The following CDH17 variants were observed in gnomAD, a reference collection of about 807,000 sequenced individuals.
The protein encoded by CDH17 is cadherin 17.
In CDH17, 67 loss-of-function variants were observed where a neutral mutation model predicts 86.3. The ratio of observed to expected loss-of-function variants is 0.78; its 90% CI spans 0.64 to 0.95. The LOEUF is 0.95. Ranked by LOEUF, CDH17 falls within the 40% of genes least tolerant of loss-of-function variation. CDH17 has a pLI of 0.00. For synonymous variants in CDH17, 367 were observed against 366.4 expected, an observed-to-expected ratio of 1.00 and a Z score of -0.02; for missense variants, 993 against 1,017.6, an observed-to-expected ratio of 0.98 and a Z score of 0.33.
At chr8:94,183,911 A>G (rs1227433609) in intron 3 of CDH17, among the ~76,000 whole-genome samples, 1 of 152,286 alleles carries the variant, frequency 6.6e-6, no homozygotes, top group Non-Finnish European at 1.5e-5. Flanking sequence ...ATTTGAATAG[A>G]CATCTCTCCC....
In CDH17 at chr8:94,127,587, T is replaced by C. The variant is rs1812326613; in HGVS notation, c.*653A>G. On this transcript the variant is annotated 3_prime_UTR_variant, in exon 18 of 18. Coordinates refer to ENST00000027335, the MANE Select transcript of CDH17 (RefSeq NM_004063.4). ...GAAATTCAGTGAAATACCAAAGGAG[T>C]CAAGGATGAAGGGGACACAGGATGG... The C allele has an allele frequency of 1.3e-5, 2 of 151,948 alleles. No individual in the cohort carries two copies. Among genetic ancestry groups the C allele is most frequent in the African/African-American group, 4.8e-5 (2 of 41,334 alleles). 9.4% of individuals were successfully genotyped at this position (151,948 alleles called of 1,614,324 possible). A position where few individuals can be genotyped will look rare whatever the true frequency, so the allele number is the denominator to read the frequency against.
At chr8:94,213,809 G>A (rs899218749) in intron 1 of CDH17, among the ~76,000 whole-genome samples, 12 of 152,036 alleles carry the variant, frequency 7.9e-5, no homozygotes, top group Non-Finnish European at 1.3e-4. Context: ...ACACCATGGC[G>A]AGCTCTCCTC....
chr8:94,206,662 G>C (rs1173401505), intron 1 of CDH17, among the ~76,000 whole-genome samples: 2 of 109,182 alleles, frequency 1.8e-5, no homozygotes, highest in Admixed American at 2.0e-4. Context: ...TTTTTTTTGA[G>C]ACAGGTTCTC....
chr8:94,190,903 A>T (rs1367593500), intron 2 of CDH17, among the ~76,000 whole-genome samples: 2 of 152,218 alleles, frequency 1.3e-5, no homozygotes, highest in African/African-American at 4.8e-5. Context: ...GCAAAAAAGC[A>T]ATAATGAATG....
intron 11 of CDH17, 121 bp downstream of exon 11, chr8:94,161,965 G>A (rs1813061638): frequency 6.2e-6 from 4 of 646,402 alleles, no homozygotes. Flanking sequence ...TTTGTGCACT[G>A]ACCAAGGTTA....
intron 15 of CDH17, among the ~76,000 whole-genome samples, chr8:94,140,996 G>A (rs754890400): frequency 6.6e-6 from 1 of 152,060 alleles, no homozygotes; most frequent in Non-Finnish European, 1.5e-5. Context: ...AGATAAAGAG[G>A]TGGAATGCTT....
At position 94,173,854 on chromosome 8, in the gene CDH17, T is replaced by G. The variant is rs1466180452; in HGVS notation, c.726A>C (p.Pro242=). ...AGTTTTCCACCATCTCCACAGGTTT[T>G]GGTGCTTTCCAAATATTCTCTGTCA... The part of the protein sequence containing the change: ...IIVTENIWKA[P]KPVEMVENST... Residue 242 remains proline, a synonymous_variant, in exon 7 of 18, where the codon CCA becomes CCC. Coordinates refer to ENST00000027335, the MANE Select transcript of CDH17 (RefSeq NM_004063.4). 7 of 1,614,004 alleles carry G rather than the reference T, an allele frequency of 4.3e-6. No homozygotes were observed. The highest frequency in any genetic ancestry group is 1.1e-5 in the South Asian group (1 of 91,082).
At chr8:94,174,949 T>C (rs1170068915) in intron 5 of CDH17, among the ~76,000 whole-genome samples, 1 of 152,186 alleles carries the variant, frequency 6.6e-6, no homozygotes, top group Non-Finnish European at 1.5e-5. Context: ...TTAAAATTTC[T>C]AATATAGTAA....
chr8:94,152,167 A>T, intron 12 of CDH17, 55 bp from the exon 13 acceptor site: 1 of 1,585,552 alleles, frequency 6.3e-7, no homozygotes, highest in South Asian at 1.1e-5. Flanking sequence ...CCCTTAAAAG[A>T]TTCATTCCCT....
At chr8:94,170,578 A>G (rs1376039273) in intron 8 of CDH17, 31 bp from the exon 9 acceptor site, 1 of 1,605,794 alleles carries the variant, frequency 6.2e-7, no homozygotes, top group Non-Finnish European at 8.5e-7. Context: ...TTAAGGCAAG[A>G]CTCACCCACC....
At chr8:94,151,800 G>T in intron 13 of CDH17, 68 bp downstream of exon 13, 1 of 1,598,000 alleles carries the variant, frequency 6.3e-7, no homozygotes, top group Non-Finnish European at 8.5e-7. Flanking sequence ...GTGCAGGCCA[G>T]CTCCTCCTCC....
At chr8:94,189,132 G>T in intron 3 of CDH17, 55 bp downstream of exon 3, 4 of 1,197,538 alleles carry the variant, frequency 3.3e-6, no homozygotes, top group Admixed American at 2.0e-5. Flanking sequence ...GGAAGTAAAA[G>T]TCCACCAAGA....
At chr8:94,162,288 A>C (rs1813068948) in intron 10 of CDH17, 126 bp from the exon 11 acceptor site, 1 of 664,838 alleles carries the variant, frequency 1.5e-6, no homozygotes, top group East Asian at 2.7e-5. Flanking sequence ...ATTGACATGC[A>C]ATTTGTGCAG....
At position 94,173,144 on chromosome 8, in the gene CDH17, G is replaced by A. The variant is rs1358500703; in HGVS notation, c.783+653C>T. Among the ~76,000 whole-genome samples, 3 of 152,172 alleles carry A rather than the reference G, an allele frequency of 2.0e-5. No individual in the cohort carries two copies. The East Asian group carries it at 5.8e-4, about 29-fold the overall frequency. Reference sequence around the variant, plus strand: ...AAACATCACTGCTGTCTACTTTTAAGGTGAGGGTGAGTGAAGTTCTCTCTG... The same window carrying A: ...AAACATCACTGCTGTCTACTTTTAAAGTGAGGGTGAGTGAAGTTCTCTCTG... On this transcript the variant is annotated intron_variant, in intron 7 of 17. Transcript: ENST00000027335.
At chr8:94,140,304 C>CA (rs1422159625) in intron 15 of CDH17, among the ~76,000 whole-genome samples, 1 of 138,364 alleles carries the variant, frequency 7.2e-6, no homozygotes. Flanking sequence ...GTAGCTCATA[C>CA]GTGTAGTCCC....
At chr8:94,142,963 C>T (rs1344821335) in intron 15 of CDH17, among the ~76,000 whole-genome samples, 1 of 152,138 alleles carries the variant, frequency 6.6e-6, no homozygotes, top group Non-Finnish European at 1.5e-5. Context: ...TTCCAAACTC[C>T]TACTAATGTG....
At chr8:94,166,971 T>C (rs559302559) in intron 9 of CDH17, among the ~76,000 whole-genome samples, 2 of 152,306 alleles carry the variant, frequency 1.3e-5, no homozygotes, top group Middle Eastern at 3.4e-3. Context: ...TCTGTTGTTT[T>C]AAGTCACCAA....
intron 5 of CDH17, among the ~76,000 whole-genome samples, chr8:94,175,661 C>T (rs1813357297): frequency 6.6e-6 from 1 of 151,894 alleles, no homozygotes; most frequent in African/African-American, 2.4e-5. Context: ...TAATGAAGGC[C>T]TTAATGAAGG....
chr8:94,192,555 T>C (rs1813708412), intron 2 of CDH17, among the ~76,000 whole-genome samples: 2 of 152,178 alleles, frequency 1.3e-5, no homozygotes, highest in Admixed American at 6.5e-5. Flanking sequence ...CCCAGCGCCA[T>C]TGGACCACCA....
Sources: allele counts gnomAD v4.1 joint callset (sites outside exome capture counted in the v4.1 genomes callset), GRCh38; gene constraint gnomAD v4.1.1; transcripts MANE v1.5; gene names NCBI Gene and HGNC (gene_info 2026-07-23, HGNC 2026-07-21).